LTBP1: variants seen among roughly 807,000 people sequenced by gnomAD.
The protein encoded by LTBP1 is latent transforming growth factor beta binding protein 1.
LTBP1 carries 129 observed loss-of-function variants against 207.6 expected under a neutral mutation model. The observed-to-expected ratio is 0.62, with a 90% CI of 0.54 to 0.72. The LOEUF is 0.72. Among genes scored for constraint, LTBP1 ranks in the 30% least tolerant of loss-of-function variants. The pLI is 0.00. For missense variants in LTBP1, 2,281 were observed against 2,217.2 expected (o/e 1.03, Z -0.58); for synonymous variants, 963 against 833.7 (o/e 1.16, Z -2.67).
chr2:33,290,547 T>C (rs1573648692), intron 19 of LTBP1, among the ~76,000 whole-genome samples: 1 of 152,180 alleles, frequency 6.6e-6, no homozygotes, highest in African/African-American at 2.4e-5. Context: ...AGCTGGATAA[T>C]GGATTAGAGA....
intron 28 of LTBP1, 62 bp from the exon 29 acceptor site, chr2:33,363,328 T>TC (rs1367924573): frequency 1.3e-6 from 2 of 1,564,452 alleles, no homozygotes; most frequent in Non-Finnish European, 1.8e-6. Context: ...CTGGTTAGAC[T>TC]CTTTTTAATT....
intron 3 of LTBP1, among the ~76,000 whole-genome samples, chr2:33,098,135 C>T (rs1053620386): frequency 1.3e-5 from 2 of 152,144 alleles, no homozygotes; most frequent in African/African-American, 4.8e-5. Context: ...AAATTATTTG[C>T]TAATTAATTA....
At position 33,134,300 on chromosome 2, in the gene LTBP1, A is replaced by G. The variant is rs1369795028; in HGVS notation, c.1034-493A>G. Reference sequence around the variant, plus strand: ...GTTTTCAGACATGCCGCATGCCTAAAACATTTCCAGGGGTCGGGCTGCAAA... The same window carrying G: ...GTTTTCAGACATGCCGCATGCCTAAGACATTTCCAGGGGTCGGGCTGCAAA... On this transcript the variant is annotated intron_variant, in intron 4 of 33. Coordinates refer to ENST00000404816, the MANE Select transcript of LTBP1 (RefSeq NM_206943.4). The surrounding 1 kb of genome is among the most constrained non-coding windows in gnomAD (Gnocchi z 4.4). The G allele has an allele frequency of 2.5e-6, 1 of 399,370 alleles. No individual in the cohort carries two copies. The highest frequency in any genetic ancestry group is 2.8e-5 in the Admixed American group (1 of 35,750). 24.7% of individuals were successfully genotyped at this position (399,370 alleles called of 1,614,324 possible).
At chr2:33,145,745 A>G (rs1227289262) in intron 5 of LTBP1, among the ~76,000 whole-genome samples, 1 of 152,198 alleles carries the variant, frequency 6.6e-6, no homozygotes, top group Non-Finnish European at 1.5e-5. Flanking sequence ...ATGAAAAAAA[A>G]TAACATTAAT....
intron 19 of LTBP1, among the ~76,000 whole-genome samples, chr2:33,289,483 CCAAGTAG>C (rs1394263255): frequency 6.6e-6 from 1 of 152,096 alleles, no homozygotes; most frequent in Admixed American, 6.6e-5. Flanking sequence ...CCTCAGCCTC[CCAAGTAG>C]CTGGGACTAC....
intron 5 of LTBP1, among the ~76,000 whole-genome samples, chr2:33,165,165 G>A (rs2084811052): frequency 6.6e-6 from 1 of 152,168 alleles, no homozygotes; most frequent in Admixed American, 6.6e-5. Context: ...GGTTGAATAT[G>A]CATATCAGAA....
intron 3 of LTBP1, among the ~76,000 whole-genome samples, chr2:33,052,774 T>G (rs1271750862): frequency 6.6e-6 from 1 of 152,264 alleles, no homozygotes; most frequent in African/African-American, 2.4e-5. Flanking sequence ...ATTTGTTTTA[T>G]TCTTCAGGTT....
rs1053239979 is a variant in LTBP1 at position 33,206,163 on chromosome 2, A to G, written c.1702-11389A>G. Among the ~76,000 whole-genome samples, 45 of 152,216 alleles carry G rather than the reference A, an allele frequency of 3.0e-4. 2 individuals carry two copies. Among genetic ancestry groups the G allele is most frequent in the Admixed American group, 2.9e-3 (45 of 15,278 alleles). ...GCCAGAAGAGTCAGGGCAGTGGACA[A>G]GACAGACATGGTTCCCTGCACCCAG... On this transcript the variant is annotated intron_variant, in intron 7 of 33. Transcript: ENST00000404816.
intron 3 of LTBP1, among the ~76,000 whole-genome samples, chr2:33,105,385 T>C (rs2080002053): frequency 6.6e-6 from 1 of 152,072 alleles, no homozygotes; most frequent in Admixed American, 6.6e-5. Flanking sequence ...AAAAATACCT[T>C]ACTGCTCGAA....
chr2:33,029,511 G>T (rs753064638), intron 3 of LTBP1, among the ~76,000 whole-genome samples: 5 of 152,136 alleles, frequency 3.3e-5, no homozygotes, highest in African/African-American at 4.8e-5. Flanking sequence ...TATTATTTGA[G>T]CATAATGAAA....
intron 10 of LTBP1, among the ~76,000 whole-genome samples, chr2:33,248,093 C>G: frequency 6.6e-6 from 1 of 152,222 alleles, no homozygotes; most frequent in East Asian, 1.9e-4. Flanking sequence ...AGGCCCCTAG[C>G]CTCCCTCACT....
chr2:33,323,376 C>T (rs1342077544), intron 24 of LTBP1, among the ~76,000 whole-genome samples: 2 of 152,200 alleles, frequency 1.3e-5, no homozygotes, highest in African/African-American at 4.8e-5. Context: ...GTAGCTCACA[C>T]CTGTAATCCC....
At chr2:33,261,711 T>G (rs1358868949) in intron 13 of LTBP1, among the ~76,000 whole-genome samples, 10 of 152,140 alleles carry the variant, frequency 6.6e-5, no homozygotes, top group Non-Finnish European at 2.9e-5. Context: ...CTGGATGGTT[T>G]TGGAAGGGTA....
intron 2 of LTBP1, among the ~76,000 whole-genome samples, chr2:32,958,537 A>G (rs1678468028): frequency 6.6e-6 from 1 of 152,170 alleles, no homozygotes; most frequent in Non-Finnish European, 1.5e-5. Context: ...TCCCTTCATC[A>G]GCGTTGAGCT....
chr2:33,316,522 A>G (rs1559000229), intron 24 of LTBP1, among the ~76,000 whole-genome samples: 1 of 152,216 alleles, frequency 6.6e-6, no homozygotes, highest in East Asian at 1.9e-4. Context: ...CAGACAAAAC[A>G]TGGATGCCAG....
At chr2:33,203,908 G>C (rs1339200620) in intron 7 of LTBP1, among the ~76,000 whole-genome samples, 1 of 152,136 alleles carries the variant, frequency 6.6e-6, no homozygotes, top group Non-Finnish European at 1.5e-5. Context: ...AGAGACGATG[G>C]CTTGAATTGA....
At chr2:32,983,204 T>G (rs1302184601) in intron 2 of LTBP1, among the ~76,000 whole-genome samples, 1 of 152,228 alleles carries the variant, frequency 6.6e-6, no homozygotes, top group Non-Finnish European at 1.5e-5. Flanking sequence ...ATTTTGGAAC[T>G]TCAAGGTTTA....
intron 23 of LTBP1, among the ~76,000 whole-genome samples, chr2:33,313,937 C>T (rs753949004): frequency 1.3e-5 from 2 of 152,122 alleles, no homozygotes; most frequent in Non-Finnish European, 2.9e-5. Context: ...TTTCTCTAGG[C>T]GCTTTATGTT....
At chr2:33,119,165 G>A (rs868508467) in intron 4 of LTBP1, among the ~76,000 whole-genome samples, 29 of 88,520 alleles carry the variant, frequency 3.3e-4, no homozygotes, top group African/African-American at 9.9e-4. Flanking sequence ...GAGTCAGACT[G>A]ATTTTTTTTT....
Sources: gnomAD v4.1 joint callset for allele counts (sites outside exome capture counted in the v4.1 genomes callset) on GRCh38, gnomAD v4.1.1 for gene constraint, Gnocchi (gnomAD v3.1) non-coding constraint, MANE v1.5 for transcripts, NCBI Gene and HGNC (gene_info 2026-07-23, HGNC 2026-07-21) for gene names.